ADK: variants seen among roughly 807,000 people sequenced by gnomAD.
ADK encodes adenosine kinase, also known as N6,N6-dimethyladenosine kinase.
Under a neutral mutation model 44.7 loss-of-function variants are expected in ADK, and 24 were observed. The observed-to-expected ratio is 0.54, with a 90% CI of 0.39 to 0.76. ADK has a LOEUF of 0.76. ADK is among the 30% of genes least tolerant of loss of function. The pLI is 0.00. For missense variants in ADK, 321 were observed against 425.1 expected (o/e 0.76, Z 2.15); for synonymous variants, 128 against 142.6 (o/e 0.90, Z 0.73).
At chr10:74,214,322 A>G (rs1037095880) in intron 2 of ADK, among the ~76,000 whole-genome samples, 1 of 152,134 alleles carries the variant, frequency 6.6e-6, no homozygotes, top group African/African-American at 2.4e-5. Flanking sequence ...AGCCAATTAA[A>G]TATGTTGTTT....
chr10:74,326,263 T>C (rs981469817), intron 4 of ADK, among the ~76,000 whole-genome samples: 6 of 152,178 alleles, frequency 3.9e-5, no homozygotes, highest in African/African-American at 1.2e-4. Context: ...CTTTCCTCTT[T>C]ATTTTTTAAA....
At chr10:74,178,717 A>C (rs552966492) in intron 1 of ADK, among the ~76,000 whole-genome samples, 1 of 152,354 alleles carries the variant, frequency 6.6e-6, no homozygotes, top group Non-Finnish European at 1.5e-5. Context: ...GAAAGGATGG[A>C]TAACTGATAA....
At chr10:74,397,505 G>A (rs1843560019) in intron 5 of ADK, among the ~76,000 whole-genome samples, 1 of 151,856 alleles carries the variant, frequency 6.6e-6, no homozygotes, top group Non-Finnish European at 1.5e-5. Context: ...AATTAAACAA[G>A]CCAAGTGACA....
intron 7 of ADK, among the ~76,000 whole-genome samples, chr10:74,580,705 T>C (rs2133893681): frequency 6.6e-6 from 1 of 150,726 alleles, no homozygotes; most frequent in South Asian, 2.1e-4. Context: ...CATGGAACTC[T>C]AAGTCCAAAT....
At chr10:74,259,836 A>G (rs960455663) in intron 3 of ADK, among the ~76,000 whole-genome samples, 2 of 152,142 alleles carry the variant, frequency 1.3e-5, no homozygotes, top group African/African-American at 2.4e-5. Context: ...ACATGTTCAT[A>G]TTATTGGAAA....
chr10:74,410,052 CAT>C lies in ADK; in HGVS notation c.555+11476_555+11477del, dbSNP rs752965745. Among the ~76,000 whole-genome samples, 7 of 152,202 alleles carry C rather than the reference CAT, an allele frequency of 4.6e-5. No homozygotes were observed. The East Asian group carries it at 5.8e-4, about 13-fold the overall frequency. ...TTATAAGAAATCTCATCTAAGAAAT[CAT>C]ATGTTTGAAATTTTACGTGTCAGTA... is the stretch of plus-strand genomic sequence containing the variant. On this transcript the variant is annotated intron_variant, in intron 6 of 10. Transcript: ENST00000539909.
chr10:74,460,896 A>G (rs1442149299), intron 6 of ADK, among the ~76,000 whole-genome samples: 2 of 152,218 alleles, frequency 1.3e-5, no homozygotes, highest in East Asian at 3.8e-4. Flanking sequence ...CATTTTATTC[A>G]GAATGTCTCT....
intron 4 of ADK, among the ~76,000 whole-genome samples, chr10:74,369,219 G>A (rs1842585783): frequency 1.3e-5 from 2 of 152,050 alleles, no homozygotes; most frequent in East Asian, 3.9e-4. Flanking sequence ...AGCCAGGTGT[G>A]GTGGTGCATG....
At chr10:74,524,563 T>C (rs1848965740) in intron 6 of ADK, among the ~76,000 whole-genome samples, 1 of 152,162 alleles carries the variant, frequency 6.6e-6, no homozygotes, top group Non-Finnish European at 1.5e-5. Context: ...CAGCTAATTT[T>C]TGAAATTTTT....
intron 4 of ADK, among the ~76,000 whole-genome samples, chr10:74,360,479 A>C (rs1842298311): frequency 6.6e-6 from 1 of 152,170 alleles, no homozygotes; most frequent in Admixed American, 6.5e-5. Flanking sequence ...TGCCGAAAGT[A>C]GGAAATTGAA....
At chr10:74,195,707 CTTTTTTTTT>C (rs71475265) in intron 1 of ADK, among the ~76,000 whole-genome samples, 3 of 97,536 alleles carry the variant, frequency 3.1e-5, no homozygotes, top group African/African-American at 4.2e-5. Context: ...TCTTTTCTTT[CTTTTTTTTT>C]TTTTTTTTTT....
At chr10:74,459,655 G>A (rs954880810) in intron 6 of ADK, among the ~76,000 whole-genome samples, 5 of 150,830 alleles carry the variant, frequency 3.3e-5, no homozygotes, top group African/African-American at 1.2e-4. Context: ...CTTGAACCAG[G>A]GAGGCAGAGA....
chr10:74,192,073 G>A (rs1336670458), intron 1 of ADK, among the ~76,000 whole-genome samples: 3 of 151,976 alleles, frequency 2.0e-5, no homozygotes, highest in African/African-American at 7.2e-5. Context: ...TTAGCACAAT[G>A]CCTTTGAGAT....
At chr10:74,186,213 TTCCTTTCCCTTCCCC>T (rs57766192) in intron 1 of ADK, among the ~76,000 whole-genome samples, 72,728 of 148,942 alleles carry the variant, frequency 0.49, 19,042 homozygotes, top group Non-Finnish European at 0.59. Context: ...TTCCCTTCCC[TTCCTTTCCCTTCCCC>T]TCCTTTCCCT....
At chr10:74,386,963 G>A (rs1843163793) in intron 4 of ADK, among the ~76,000 whole-genome samples, 3 of 151,184 alleles carry the variant, frequency 2.0e-5, no homozygotes, top group Admixed American at 2.0e-4. Context: ...TTGAGATGGA[G>A]ACTTGCTGTG....
At chr10:74,226,106 AC>A (rs1844525429) in intron 3 of ADK, among the ~76,000 whole-genome samples, 1 of 151,542 alleles carries the variant, frequency 6.6e-6, no homozygotes, top group African/African-American at 2.4e-5. Flanking sequence ...CTTTTTTCTT[AC>A]CTTTTTTTTT....
At chr10:74,324,260 C>A (rs1469728717) in intron 4 of ADK, among the ~76,000 whole-genome samples, 2 of 151,772 alleles carry the variant, frequency 1.3e-5, no homozygotes, top group Non-Finnish European at 2.9e-5. Context: ...GAATTCCTGA[C>A]CTCAAGCAAC....
intron 7 of ADK, among the ~76,000 whole-genome samples, chr10:74,534,717 C>G (rs892542110): frequency 1.5e-4 from 23 of 152,118 alleles, no homozygotes; most frequent in African/African-American, 5.6e-4. Flanking sequence ...ATCATGTTAT[C>G]TATTAAGTTT....
At chr10:74,462,247 TTGAC>T (rs1431067910) in intron 6 of ADK, among the ~76,000 whole-genome samples, 7 of 152,136 alleles carry the variant, frequency 4.6e-5, no homozygotes, top group Middle Eastern at 3.4e-3. Context: ...CTCTGAATTA[TTGAC>T]CTATTATAGG....
Sources: allele counts gnomAD v4.1 joint callset (sites outside exome capture counted in the v4.1 genomes callset), GRCh38; gene constraint gnomAD v4.1.1; transcripts MANE v1.5; gene names NCBI Gene and HGNC (gene_info 2026-07-23, HGNC 2026-07-21).